TNPO1: variants seen among roughly 807,000 people sequenced by gnomAD.
The protein encoded by TNPO1 is transportin 1.
Under a neutral mutation model 119.5 loss-of-function variants are expected in TNPO1, and 8 were observed. The ratio of observed to expected loss-of-function variants is 0.07; its 90% confidence interval spans 0.04 to 0.12. The LOEUF (loss-of-function observed/expected upper bound fraction) is 0.12, where lower values mean the gene tolerates loss of function less well. TNPO1 is among the 10% of genes least tolerant of loss of function. TNPO1 has a pLI of 1.00. For synonymous variants in TNPO1, 362 were observed against 363.0 expected, an observed-to-expected ratio of 1.00 and a Z score of 0.03; for missense variants, 576 against 1,089.8, an observed-to-expected ratio of 0.53 and a Z score of 6.64.
In TNPO1 at chr5:72,854,842, TA is replaced by T. The variant is rs530777011; in HGVS notation, c.206-931del. Among the ~76,000 whole-genome samples the T allele has an allele frequency of 1.7e-3, 254 of 152,280 alleles. 1 individual carries two copies. The highest frequency in any genetic ancestry group is 5.6e-3 in the African/African-American group (233 of 41,562). On this transcript the variant is annotated intron_variant, in intron 3 of 24. Coordinates refer to ENST00000337273, the MANE Select transcript of TNPO1 (RefSeq NM_002270.4). ...AACTCTTTTTAAATGTTTTTGGAGG[TA>T]TTTTTTTGCTTTTAAGTTCAGAGGC...
At chr5:72,833,697 A>C (rs1387654629) in intron 1 of TNPO1, among the ~76,000 whole-genome samples, 1 of 152,196 alleles carries the variant, frequency 6.6e-6, no homozygotes, top group African/African-American at 2.4e-5. Context: ...GATTAACATT[A>C]TCTTTTGTGT....
rs531928835 is a variant in TNPO1, at chr5:72,910,801, G to GTTT, written c.*2129_*2130insTTT. The GTTT allele has an allele frequency of 1.3e-4, 20 of 151,774 alleles. No individual in the cohort carries two copies. Among genetic ancestry groups the GTTT allele is most frequent in the African/African-American group, 4.8e-4 (20 of 41,392 alleles). The allele number at this position is 151,774 out of a possible 1,614,324, so 9.4% of individuals were successfully genotyped here. Reference sequence around the variant, plus strand: ...GGTTTTTGTTACTATGTGTGTGTGTGTGTTTTGTTTTGTTTTGTTCTGTTT... The same window carrying GTTT: ...GGTTTTTGTTACTATGTGTGTGTGTGTTTTGTTTTGTTTTGTTTTGTTCTGTTT... On this transcript the variant is annotated 3_prime_UTR_variant, in exon 25 of 25. Coordinates refer to ENST00000337273, the MANE Select transcript of TNPO1 (RefSeq NM_002270.4).
chr5:72,871,137 C>T (rs71636065), intron 6 of TNPO1, among the ~76,000 whole-genome samples: 5 of 152,012 alleles, frequency 3.3e-5, no homozygotes, highest in African/African-American at 7.2e-5. Flanking sequence ...CCACCAGGCC[C>T]GGCTAATTTT....
intron 14 of TNPO1, among the ~76,000 whole-genome samples, chr5:72,890,615 G>C (rs923110257): frequency 3.9e-5 from 6 of 152,248 alleles, no homozygotes; most frequent in Non-Finnish European, 7.4e-5. Context: ...TTATAGGTTT[G>C]CTTTGCTGTT....
At chr5:72,888,457 T>C (rs895661682) in intron 13 of TNPO1, among the ~76,000 whole-genome samples, 154 bp downstream of exon 13, 2 of 152,368 alleles carry the variant, frequency 1.3e-5, no homozygotes, top group South Asian at 2.1e-4. Flanking sequence ...TTTTTCTTCT[T>C]GGTGAAGTGT....
At chr5:72,861,724 A>G in intron 4 of TNPO1, 84 bp from the exon 5 acceptor site, 2 of 954,910 alleles carry the variant, frequency 2.1e-6, no homozygotes, top group South Asian at 2.7e-5. Context: ...TTTACATAAA[A>G]TGTGTTTGTG....
chr5:72,903,478 G>A (rs61425668), intron 22 of TNPO1, among the ~76,000 whole-genome samples: 8 of 152,124 alleles, frequency 5.3e-5, no homozygotes, highest in Non-Finnish European at 8.8e-5. Flanking sequence ...GTGTGATGCA[G>A]GACATTAAAG....
At chr5:72,816,853 G>T in intron 1 of TNPO1, 101 bp downstream of exon 1, 1 of 1,392,192 alleles carries the variant, frequency 7.2e-7, no homozygotes, top group South Asian at 1.4e-5. Flanking sequence ...CGCCGGGCTC[G>T]CCCGCTCTCT....
chr5:72,896,105 AT>A lies in TNPO1; in HGVS notation c.2144-341del, dbSNP rs906126473. ...ATTGCTTTAAAAGCCAAAATCATTG[AT>A]TTTTTTTTTTTAGTCTAATTACAAG... is the stretch of plus-strand genomic sequence containing the variant. On this transcript the variant is annotated intron_variant, in intron 18 of 24. Transcript: ENST00000337273. 7.8e-3 allele frequency among the ~76,000 whole-genome samples: 1,133 copies of A among 145,908 alleles called. 9 individuals carry two copies. The highest frequency in any genetic ancestry group is 0.023 in the African/African-American group (938 of 40,114).
chr5:72,908,126 C>T (rs935325063), intron 24 of TNPO1, among the ~76,000 whole-genome samples: 4 of 152,022 alleles, frequency 2.6e-5, no homozygotes, highest in African/African-American at 4.8e-5. Flanking sequence ...TTTGTTGATA[C>T]TTACTGAATG....
intron 4 of TNPO1, among the ~76,000 whole-genome samples, chr5:72,861,363 T>A (rs950296660): frequency 6.6e-6 from 1 of 152,218 alleles, no homozygotes; most frequent in Non-Finnish European, 1.5e-5. Flanking sequence ...TGTGAGGTTT[T>A]TTTTCCACAA....
chr5:72,827,976 A>G (rs1744281265), intron 1 of TNPO1, among the ~76,000 whole-genome samples: 1 of 152,136 alleles, frequency 6.6e-6, no homozygotes, highest in South Asian at 2.1e-4. Context: ...CCATTTGACA[A>G]ACAAGCAGAT....
Position 72,851,335 on chromosome 5 carries a change from A to G in TNPO1, c.205+16A>G, listed in dbSNP as rs936918018. Reference sequence around the variant, plus strand: ...AAATCTGAAGGTAAGTAGGATTTGTATTGATAACTATTTAAAGTTTCTTTA... The same window carrying G: ...AAATCTGAAGGTAAGTAGGATTTGTGTTGATAACTATTTAAAGTTTCTTTA... On this transcript the variant is annotated intron_variant, in intron 3 of 24. Transcript: ENST00000337273. 36 of 1,388,168 alleles carry G rather than the reference A, an allele frequency of 2.6e-5. No individual in the cohort carries two copies. Among genetic ancestry groups the G allele is most frequent in the Non-Finnish European group, 3.6e-5 (35 of 984,268 alleles). The allele number at this position is 1,388,168 out of a possible 1,614,324, so 86.0% of individuals were successfully genotyped here.
intron 2 of TNPO1, among the ~76,000 whole-genome samples, 162 bp downstream of exon 2, chr5:72,848,660 C>G (rs184475348): frequency 6.7e-6 from 1 of 149,132 alleles, no homozygotes; most frequent in African/African-American, 2.4e-5. Flanking sequence ...CGCCGCTGCC[C>G]CTGCCGGGCG....
intron 12 of TNPO1, among the ~76,000 whole-genome samples, chr5:72,887,770 C>T (rs1748755525): frequency 6.6e-6 from 1 of 152,040 alleles, no homozygotes. Context: ...AAAAAAAATC[C>T]TTGATTCTTT....
rs200464198 is a variant in TNPO1 at position 72,907,136 on chromosome 5, TC to T, written c.*36-1572del. On this transcript the variant is annotated intron_variant, in intron 24 of 24. Coordinates refer to ENST00000337273, the MANE Select transcript of TNPO1 (RefSeq NM_002270.4). ...AGCCCTTCATATGTGTTGTCCTACT[TC>T]AGTCTTGAGTCCTCAAGAGCTGTTT... Among the ~76,000 whole-genome samples, 535 of 152,292 alleles carry T rather than the reference TC, an allele frequency of 3.5e-3. 12 individuals are homozygous for T. The highest frequency in any genetic ancestry group is 0.025 in the East Asian group (130 of 5,172).
chr5:72,882,467 G>A lies in TNPO1; in HGVS notation c.921G>A (p.Lys307=), dbSNP rs770204397. The A allele has an allele frequency of 2.5e-6, 4 of 1,605,658 alleles. No individual in the cohort carries two copies. Among genetic ancestry groups the A allele is most frequent in the East Asian group, 4.5e-5 (2 of 44,536 alleles). The change falls in exon 10 of 25, where the codon AAG becomes AAA. Residue 307 remains lysine (K), a splice_region_variant and synonymous_variant. Coordinates refer to ENST00000337273, the MANE Select transcript of TNPO1 (RefSeq NM_002270.4). ...CKDVLVRHLP[K]LIPVLVNGMK... is the part of the protein sequence containing the mutation. ...GTTTCATGAATTTCTTTCTTTATAG[G>A]TTGATTCCTGTGTTAGTGAATGGCA...
In TNPO1 at chr5:72,905,560, A is replaced by G. The variant is rs1049705842; in HGVS notation, c.*35+115A>G. ...TTGTTTTCTATAGAGGTTGAATAAA[A>G]CATAGCCTCATATCATTCTATCTTG... On this transcript the variant is annotated intron_variant, in intron 24 of 24. Transcript: ENST00000337273. 1.3e-5 allele frequency: 7 copies of G among 535,614 alleles called. No homozygotes were observed. The African/African-American group carries it at 1.4e-4, about 10-fold the overall frequency. The allele number at this position is 535,614 out of a possible 1,614,324, so 33.2% of individuals were successfully genotyped here.
chr5:72,888,448 T>A, intron 13 of TNPO1, 145 bp downstream of exon 13: 1 of 737,696 alleles, frequency 1.4e-6, no homozygotes, highest in Non-Finnish European at 2.2e-6. Flanking sequence ...TAGTTTTCTT[T>A]TTTCTTCTTG....
Sources: gnomAD v4.1 joint callset for allele counts (sites outside exome capture counted in the v4.1 genomes callset) on GRCh38, gnomAD v4.1.1 for gene constraint, MANE v1.5 for transcripts, NCBI Gene and HGNC (gene_info 2026-07-23, HGNC 2026-07-21) for gene names.